The following ANKRD44 variants were observed in gnomAD, a reference collection of about 807,000 sequenced individuals.
ANKRD44 encodes the protein ankyrin repeat domain 44, also known as serine/threonine-protein phosphatase 6 regulatory ankyrin repeat subunit B.
ANKRD44 carries 35 observed loss-of-function variants against 116.0 expected under a neutral mutation model. That is an observed-to-expected ratio of 0.30 (90% CI 0.23 to 0.40). ANKRD44 has a LOEUF of 0.40. ANKRD44 is among the 10% of genes least tolerant of loss of function. The pLI is 1.00. For synonymous variants in ANKRD44, 435 were observed against 461.8 expected (o/e 0.94, Z 0.74); for missense variants, 1,014 against 1,242.6 (o/e 0.82, Z 2.77).
chr2:197,179,665 A>T (rs569002840), intron 2 of ANKRD44, among the ~76,000 whole-genome samples: 2 of 152,334 alleles, frequency 1.3e-5, no homozygotes, highest in South Asian at 4.1e-4. Flanking sequence ...ATCATATACC[A>T]TTATAAGATT....
At chr2:197,168,040 T>G (rs1353321833) in intron 2 of ANKRD44, among the ~76,000 whole-genome samples, 1 of 152,216 alleles carries the variant, frequency 6.6e-6, no homozygotes, top group Non-Finnish European at 1.5e-5. Context: ...TTCAACAACC[T>G]TGTGGCTGCC....
chr2:197,060,315 A>T (rs908867742), intron 16 of ANKRD44, among the ~76,000 whole-genome samples: 1 of 152,208 alleles, frequency 6.6e-6, no homozygotes, highest in Admixed American at 6.5e-5. Flanking sequence ...ACATAATAAC[A>T]GTTGCCACTT....
intron 3 of ANKRD44, among the ~76,000 whole-genome samples, chr2:197,146,091 A>C (rs144449977): frequency 7.4e-4 from 112 of 152,336 alleles, no homozygotes; most frequent in African/African-American, 2.6e-3. Context: ...TCCAAAAATT[A>C]AACCACTGGC....
chr2:197,011,446 T>A (rs547240765), intron 18 of ANKRD44, among the ~76,000 whole-genome samples: 2,950 of 152,204 alleles, frequency 0.019, 43 homozygotes, highest in Middle Eastern at 0.041. Flanking sequence ...GTACAGTAGC[T>A]TTTTGAACTT....
intron 1 of ANKRD44, among the ~76,000 whole-genome samples, chr2:197,277,868 G>A (rs536537096): frequency 1.8e-4 from 27 of 152,276 alleles, no homozygotes; most frequent in Non-Finnish European, 3.1e-4. Flanking sequence ...CATATGGCTG[G>A]AAAGACTCAA....
intron 1 of ANKRD44, among the ~76,000 whole-genome samples, chr2:197,196,190 T>C (rs997948940): frequency 6.6e-6 from 1 of 152,224 alleles, no homozygotes; most frequent in Admixed American, 6.5e-5. Context: ...ATTCATGTAG[T>C]TGCAAACATG....
chr2:197,244,593 T>C (rs115007862), intron 1 of ANKRD44, among the ~76,000 whole-genome samples: 7 of 152,300 alleles, frequency 4.6e-5, no homozygotes, highest in African/African-American at 1.7e-4. Flanking sequence ...CATCTACCAG[T>C]TGAAACTGTT....
At chr2:197,063,820 C>T (rs959759355) in intron 16 of ANKRD44, among the ~76,000 whole-genome samples, 14 of 152,192 alleles carry the variant, frequency 9.2e-5, no homozygotes, top group Non-Finnish European at 1.8e-4. Flanking sequence ...ACCAAATCTA[C>T]GTCTGATTGG....
chr2:197,060,419 C>T (rs1357835924), intron 16 of ANKRD44, among the ~76,000 whole-genome samples: 1 of 152,124 alleles, frequency 6.6e-6, no homozygotes, highest in African/African-American at 2.4e-5. Flanking sequence ...GAAAAAATTG[C>T]ATGTATTTAA....
At chr2:196,981,927 G>A (rs1159487773), downstream of ANKRD44, among the ~76,000 whole-genome samples, 1 of 151,158 alleles carries the variant, frequency 6.6e-6, no homozygotes, top group African/African-American at 2.4e-5. Context: ...TATTTCCCAG[G>A]TTTCAGGGAC....
At chr2:197,302,903 G>A (rs1419532980) in intron 1 of ANKRD44, among the ~76,000 whole-genome samples, 1 of 152,204 alleles carries the variant, frequency 6.6e-6, no homozygotes, top group Admixed American at 6.5e-5. Context: ...AGGACCCAAG[G>A]TATTTGCTAA....
chr2:197,150,498 A>G lies in ANKRD44; in HGVS notation c.112-3393T>C, dbSNP rs376477566. 4.3e-3 allele frequency among the ~76,000 whole-genome samples: 653 copies of G among 152,144 alleles called. 3 individuals carry two copies. Among genetic ancestry groups the G allele is most frequent in the African/African-American group, 0.014 (596 of 41,506 alleles). On this transcript the variant is annotated intron_variant, in intron 2 of 27. Transcript: ENST00000282272. Reference sequence around the variant, plus strand: ...CGGGAGGCGGAGCTTGCAGTGAGCCAAGATCGCGCCACTGCACTCTAGCCT... The same window carrying G: ...CGGGAGGCGGAGCTTGCAGTGAGCCGAGATCGCGCCACTGCACTCTAGCCT...
intron 2 of ANKRD44, among the ~76,000 whole-genome samples, chr2:197,184,024 A>G (rs1185397566): frequency 2.6e-5 from 4 of 152,160 alleles, no homozygotes; most frequent in African/African-American, 4.8e-5. Flanking sequence ...CTTCTCTGCT[A>G]TGTTGTAAGC....
chr2:196,981,219 A>T (rs2075799251), intron 21 of ANKRD44, among the ~76,000 whole-genome samples: 1 of 152,160 alleles, frequency 6.6e-6, no homozygotes, highest in Non-Finnish European at 1.5e-5. Flanking sequence ...TCATGTTTTC[A>T]CTTTCTTCCT....
intron 1 of ANKRD44, among the ~76,000 whole-genome samples, chr2:197,206,855 A>C (rs1372856835): frequency 6.6e-6 from 1 of 152,232 alleles, no homozygotes; most frequent in Non-Finnish European, 1.5e-5. Flanking sequence ...AGATAAATCT[A>C]AAGAGTTATT....
In ANKRD44 at chr2:197,026,189, C is replaced by T. The variant is rs866683404; in HGVS notation, c.1651-922G>A. Among the ~76,000 whole-genome samples the T allele has an allele frequency of 5.9e-5, 9 of 152,204 alleles. 1 individual carries two copies. In the South Asian group the frequency reaches 1.9e-3, roughly 32 times the overall value. On this transcript the variant is annotated intron_variant, in intron 16 of 27. Coordinates refer to ENST00000282272, the MANE Select transcript of ANKRD44 (RefSeq NM_001195144.2). ...CAATAAATACTCAGTGAATGATTAC[C>T]ATGTGCCCTGACACTGTTCCCTGCA...
chr2:197,266,848 T>C (rs1344734327), intron 1 of ANKRD44, among the ~76,000 whole-genome samples: 4 of 152,100 alleles, frequency 2.6e-5, no homozygotes, highest in Admixed American at 2.6e-4. Flanking sequence ...CATTTAATCT[T>C]CTATTCACAA....
intron 1 of ANKRD44, chr2:197,263,385 G>A (rs534653868): frequency 4.4e-5 from 27 of 617,156 alleles, no homozygotes; most frequent in South Asian, 2.6e-4. Context: ...CTGGGATTGC[G>A]ACTGTGTTTG....
At chr2:196,985,297 C>T (rs796263385), downstream of ANKRD44, among the ~76,000 whole-genome samples, 1 of 152,214 alleles carries the variant, frequency 6.6e-6, no homozygotes, top group African/African-American at 2.4e-5. Context: ...AGGGCTGACT[C>T]ATAGAAACTG....
Sources: allele counts gnomAD v4.1 joint callset (sites outside exome capture counted in the v4.1 genomes callset), GRCh38; gene constraint gnomAD v4.1.1; transcripts MANE v1.5; gene names NCBI Gene and HGNC (gene_info 2026-07-23, HGNC 2026-07-21).